Variants in MGAT4C observed in about 807,000 individuals in gnomAD.
The protein encoded by MGAT4C is MGAT4 family member C.
A neutral mutation model predicts 40.1 loss-of-function variants in MGAT4C; 19 were observed. The observed-to-expected ratio is 0.47, with a 90% CI of 0.33 to 0.70. MGAT4C has a LOEUF of 0.70. Ranked by LOEUF, MGAT4C falls within the 30% of genes least tolerant of loss-of-function variation. MGAT4C has a pLI of 0.02. For missense variants in MGAT4C, 491 were observed against 563.2 expected, an observed-to-expected ratio of 0.87 and a Z score of 1.30; for synonymous variants, 181 against 187.1, an observed-to-expected ratio of 0.97 and a Z score of 0.27.
chr12:86,423,930 G>A (rs1438561258), intron 3 of MGAT4C, among the ~76,000 whole-genome samples: 1 of 152,154 alleles, frequency 6.6e-6, no homozygotes, highest in Non-Finnish European at 1.5e-5. Flanking sequence ...GTAGGACATA[G>A]GGAAAATAAG....
chr12:86,410,727 T>A (rs896204828), intron 3 of MGAT4C, among the ~76,000 whole-genome samples: 3 of 152,184 alleles, frequency 2.0e-5, no homozygotes, highest in African/African-American at 7.2e-5. Context: ...TGGGAACTGA[T>A]AAATGTCCAG....
At position 86,679,672 on chromosome 12, in the gene MGAT4C, G is replaced by A. The variant is rs115987806; in HGVS notation, c.-229+47537C>T. On this transcript the variant is annotated intron_variant, in intron 2 of 7. Transcript: ENST00000548651. ...GTCCTTATAAAAGAGATCTCAGAGA[G>A]CTATCTAGCTCCTTCTACCATGTGA... Among the ~76,000 whole-genome samples the A allele has an allele frequency of 3.8e-3, 583 of 152,112 alleles. 3 individuals carry two copies. Among genetic ancestry groups the A allele is most frequent in the African/African-American group, 0.014 (570 of 41,522 alleles).
Position 86,743,116 on chromosome 12 carries a change from A to ATGTGTGTGTGTG in MGAT4C, c.-261-15887_-261-15876dup, listed in dbSNP as rs60215418. Among the ~76,000 whole-genome samples, 86 of 144,582 alleles carry ATGTGTGTGTGTG rather than the reference A, an allele frequency of 5.9e-4. 1 individual carries two copies. Among genetic ancestry groups the ATGTGTGTGTGTG allele is most frequent in the African/African-American group, 2.1e-3 (83 of 39,316 alleles). The allele number at this position is 144,582 out of a possible 152,430, so 94.9% of individuals were successfully genotyped here. On this transcript the variant is annotated intron_variant, in intron 1 of 7. Coordinates refer to the MGAT4C transcript ENST00000548651. ...TGTGTGTGTATGTATGTGTGTATGC[A>ATGTGTGTGTGTG]TGTGTGTGTGTGTGTGTGTGTGTGT...
At chr12:86,729,874 C>T (rs1950880885) in intron 1 of MGAT4C, among the ~76,000 whole-genome samples, 1 of 152,030 alleles carries the variant, frequency 6.6e-6, no homozygotes, top group South Asian at 2.1e-4. Context: ...ACTTCAATTG[C>T]TCTTGTTCCT....
chr12:85,999,006 G>T (rs890798386), intron 2 of MGAT4C, among the ~76,000 whole-genome samples: 4 of 152,142 alleles, frequency 2.6e-5, no homozygotes, highest in African/African-American at 9.7e-5. Context: ...GAGGTTTAAT[G>T]GACTTACAGT....
intron 2 of MGAT4C, among the ~76,000 whole-genome samples, chr12:86,655,308 CCT>C (rs1963817854): frequency 6.6e-6 from 1 of 151,990 alleles, no homozygotes; most frequent in African/African-American, 2.4e-5. Context: ...GCTTCTTTTC[CCT>C]GTTCCCCTTC....
chr12:86,824,127 C>G (rs1401326107), intron 1 of MGAT4C, among the ~76,000 whole-genome samples: 1 of 151,350 alleles, frequency 6.6e-6, no homozygotes, highest in Non-Finnish European at 1.5e-5. Flanking sequence ...CCATTAGTCC[C>G]TGAGTGGCTG....
rs924441271 is a variant in MGAT4C, at chr12:86,753,359, C to T, written c.-261-26118G>A. ...TTGCTGCAATTAATTTGGCTCATCC[C>T]TTCATTTCCCTTAAGGGATACTTTT... is the stretch of plus-strand genomic sequence containing the variant. On this transcript the variant is annotated intron_variant, in intron 1 of 7. Coordinates refer to the MGAT4C transcript ENST00000548651. 7.0e-4 allele frequency among the ~76,000 whole-genome samples: 106 copies of T among 152,104 alleles called. 2 individuals are homozygous for T.
At chr12:86,441,739 G>A (rs1468047463) in intron 2 of MGAT4C, among the ~76,000 whole-genome samples, 2 of 151,698 alleles carry the variant, frequency 1.3e-5, no homozygotes, top group African/African-American at 4.8e-5. Flanking sequence ...CTTAATCTAG[G>A]CAATCATTAA....
intron 4 of MGAT4C, among the ~76,000 whole-genome samples, chr12:86,279,125 T>A (rs1021144296): frequency 6.6e-6 from 1 of 152,194 alleles, no homozygotes; most frequent in Non-Finnish European, 1.5e-5. Context: ...TCTATTTTTT[T>A]AATGTGTCTT....
rs186804474 is a variant in MGAT4C, at chr12:86,687,790, G to A, written c.-229+39419C>T. Among the ~76,000 whole-genome samples, 283 of 152,130 alleles carry A rather than the reference G, an allele frequency of 1.9e-3. 1 individual carries two copies. Among genetic ancestry groups the A allele is most frequent in the Middle Eastern group, 3.4e-3 (1 of 294 alleles). Reference sequence around the variant, plus strand: ...TTTTAGAATGGGTGTGATGTGGTGCGGAGAAGAATGTATATTCCGTTGATT... The same window carrying A: ...TTTTAGAATGGGTGTGATGTGGTGCAGAGAAGAATGTATATTCCGTTGATT... On this transcript the variant is annotated intron_variant, in intron 2 of 7. Transcript: ENST00000548651.
At chr12:86,179,755 CCT>C in intron 1 of MGAT4C, among the ~76,000 whole-genome samples, 1 of 152,108 alleles carries the variant, frequency 6.6e-6, no homozygotes, top group East Asian at 1.9e-4. Flanking sequence ...AGGAGCAAAG[CCT>C]TCAAAAGTGA....
intron 1 of MGAT4C, among the ~76,000 whole-genome samples, chr12:86,132,791 C>CAAA (rs60321690): frequency 3.0e-4 from 28 of 93,682 alleles, no homozygotes; most frequent in Non-Finnish European, 3.7e-4. Flanking sequence ...GACTCCGTCT[C>CAAA]AAAAAAAAAA....
rs150937641 is a variant in MGAT4C, at chr12:86,060,190, C to T, written c.-56-10467G>A. 2.0e-5 allele frequency among the ~76,000 whole-genome samples: 3 copies of T among 152,054 alleles called. No individual in the cohort carries two copies. In the South Asian group the frequency reaches 6.2e-4, roughly 31 times the overall value. ...AAGCTTTCTGACACACAAAGGTAGG[C>T]CCCTAGGTAGACTGACCTCTTCTAA... On this transcript the variant is annotated intron_variant, in intron 1 of 4. Transcript: ENST00000611864.
intron 2 of MGAT4C, among the ~76,000 whole-genome samples, chr12:86,465,909 A>T (rs932157279): frequency 1.2e-4 from 18 of 152,056 alleles, no homozygotes; most frequent in Admixed American, 6.5e-4. Context: ...AATACGTCCC[A>T]TCAAAAACCT....
chr12:86,650,593 A>C (rs1458633409), intron 2 of MGAT4C, among the ~76,000 whole-genome samples: 3 of 151,870 alleles, frequency 2.0e-5, no homozygotes, highest in Non-Finnish European at 4.4e-5. Flanking sequence ...TTGACTTATG[A>C]TTCTCTTGCC....
intron 2 of MGAT4C, among the ~76,000 whole-genome samples, chr12:86,538,727 C>A (rs1239230076): frequency 6.6e-6 from 1 of 151,656 alleles, no homozygotes; most frequent in Non-Finnish European, 1.5e-5. Flanking sequence ...CCTGCCTCAG[C>A]CTCCGGAGTA....
Position 86,728,923 on chromosome 12 carries a change from T to C in MGAT4C, c.-261-1682A>G, listed in dbSNP as rs1950865883. ...ATATCAATTCAAATACACCTACTTA[T>C]TTAATGATCATATACTTGTAATAAA... On this transcript the variant is annotated intron_variant, in intron 1 of 7. Coordinates refer to the MGAT4C transcript ENST00000548651. Among the ~76,000 whole-genome samples, 3 of 152,316 alleles carry C rather than the reference T, an allele frequency of 2.0e-5. 1 individual carries two copies. Among genetic ancestry groups the C allele is most frequent in the Admixed American group, 6.5e-5 (1 of 15,298 alleles).
At chr12:86,181,657 T>G (rs1276893917) in intron 1 of MGAT4C, among the ~76,000 whole-genome samples, 2 of 152,118 alleles carry the variant, frequency 1.3e-5, no homozygotes, top group African/African-American at 4.8e-5. Context: ...AAACATCACT[T>G]TTAGTATGAA....
Sources: allele counts gnomAD v4.1 joint callset (sites outside exome capture counted in the v4.1 genomes callset), GRCh38; gene constraint gnomAD v4.1.1; transcripts MANE v1.5; gene names NCBI Gene and HGNC (gene_info 2026-07-23, HGNC 2026-07-21).